Variants in ZFP42 observed in about 807,000 individuals in gnomAD.
The protein encoded by ZFP42 is zinc finger protein 42 homolog.
For synonymous variants in ZFP42, 175 were observed against 144.6 expected (o/e 1.21, Z -1.51); for missense variants, 438 against 377.1 (o/e 1.16, Z -1.34).
intron 2 of ZFP42, 80 bp from the exon 3 acceptor site, chr4:187,999,528 AG>A (rs1733729176): frequency 6.6e-6 from 1 of 152,198 alleles, no homozygotes; most frequent in African/African-American, 2.4e-5. Flanking sequence ...ATAAATTCCT[AG>A]TAAAGTAATT....
In ZFP42 at chr4:188,003,882, T is replaced by A; in HGVS notation, c.*142T>A. On this transcript the variant is annotated 3_prime_UTR_variant, in exon 4 of 4. Transcript: ENST00000326866. ...TAATTTGGTGTTACTAAGATGCTCC[T>A]ACACTTTGTGATACCGTTTTAAGGA... 1.2e-6 allele frequency: 1 copy of A among 811,560 alleles called. No homozygotes were observed. Among genetic ancestry groups the A allele is most frequent in the Non-Finnish European group, 1.9e-6 (1 of 522,722 alleles). 50.3% of individuals were successfully genotyped at this position (811,560 alleles called of 1,614,324 possible).
intron 3 of ZFP42, among the ~76,000 whole-genome samples, chr4:188,002,113 G>A (rs576434475): frequency 6.6e-6 from 1 of 152,146 alleles, no homozygotes; most frequent in African/African-American, 2.4e-5. Flanking sequence ...GGAGGTGGAG[G>A]TTGCAATGAG....
chr4:188,003,297 G>A lies in ZFP42; in HGVS notation c.490G>A (p.Asp164Asn). 1 of 1,614,096 alleles carries A rather than the reference G, an allele frequency of 6.2e-7. No homozygotes were observed. Among genetic ancestry groups the A allele is most frequent in the Non-Finnish European group, 8.5e-7 (1 of 1,180,024 alleles). ...PGGIPGIDLS[D>N]PKQLAEFARK... ...AGGAATACCTGGCATTGACCTATCA[G>A]ATCCTAAACAGCTCGCAGAATTTGC... is the stretch of plus-strand genomic sequence containing the variant. Residue 164 changes from aspartate to asparagine, a missense_variant, in exon 4 of 4, where the codon GAT becomes AAT. Coordinates refer to ENST00000326866, the MANE Select transcript of ZFP42 (RefSeq NM_174900.5).
At chr4:188,002,606 T>TA in intron 3 of ZFP42, 107 bp from the exon 4 acceptor site, 1 of 586,638 alleles carries the variant, frequency 1.7e-6, no homozygotes, top group Non-Finnish European at 3.1e-6. Context: ...TTGGTTAGTT[T>TA]ATCAGAGAAG....
chr4:187,998,995 TC>T (rs1393569889), intron 1 of ZFP42, 112 bp from the exon 2 acceptor site: 1 of 152,232 alleles, frequency 6.6e-6, no homozygotes, highest in Non-Finnish European at 1.5e-5. Context: ...TGCTCGGAGA[TC>T]TGACAAATAA....
At position 188,004,562 on chromosome 4, in the gene ZFP42, T is replaced by C; in HGVS notation, c.*822T>C. On this transcript the variant is annotated 3_prime_UTR_variant, in exon 4 of 4. Transcript: ENST00000326866. ...CTCAAACTCCTGACCTCCAGTGATC[T>C]GCCCACCTCGGCCTCCCAAAGTGCT... 7.7e-6 allele frequency: 1 copy of C among 129,106 alleles called. No homozygotes were observed. The allele number at this position is 129,106 out of a possible 1,614,324, so 8.0% of individuals were successfully genotyped here.
At chr4:188,000,011 T>A (rs1246572328) in intron 3 of ZFP42, among the ~76,000 whole-genome samples, 3 of 152,198 alleles carry the variant, frequency 2.0e-5, no homozygotes, top group African/African-American at 7.2e-5. Context: ...AGCAGTCAAT[T>A]AAATTGCAGT....
At chr4:187,997,303 G>C (rs555295532) in intron 1 of ZFP42, among the ~76,000 whole-genome samples, 8 of 134,118 alleles carry the variant, frequency 6.0e-5, no homozygotes, top group Admixed American at 5.1e-4. Context: ...GCACGATCTC[G>C]GCTCACTGCA....
rs770920562 is a variant in ZFP42 at position 188,003,179 on chromosome 4, A to T, written c.372A>T (p.Lys124Asn). The T allele has an allele frequency of 1.9e-6, 3 of 1,614,040 alleles. No homozygotes were observed. In the Admixed American group the frequency reaches 5.0e-5, roughly 27 times the overall value. Residue 124 changes from lysine to asparagine, a missense_variant, in exon 4 of 4, where the codon AAA becomes AAT. Lys to Asn is a moderately conservative substitution (Grantham distance 94, BLOSUM62 0). Transcript: ENST00000326866. Reference sequence around the variant, plus strand: ...TTGAATGTTCTTTGGAATACATGAAAAAAGGGGTAAAGAAAGAGCTTCCAC... The same window carrying T: ...TTGAATGTTCTTTGGAATACATGAATAAAGGGGTAAAGAAAGAGCTTCCAC... ...SSLECSLEYM[K>N]KGVKKELPQK...
At position 188,002,694 on chromosome 4, in the gene ZFP42, G is replaced by T. The variant is rs778757033; in HGVS notation, c.-95-19G>T. On this transcript the variant is annotated intron_variant, in intron 3 of 3. Transcript: ENST00000326866. ...AATACTGGAATCTATTTTAACTAAA[G>T]GTTATTATCATAAAGCAGGTGTTTG... is the stretch of plus-strand genomic sequence containing the variant. 2.4e-6 allele frequency: 2 copies of T among 849,680 alleles called. No individual in the cohort carries two copies. The highest frequency in any genetic ancestry group is 3.4e-5 in the South Asian group (2 of 59,534). 52.6% of individuals were successfully genotyped at this position (849,680 alleles called of 1,614,324 possible).
chr4:187,998,311 G>A (rs1733681733), intron 1 of ZFP42, among the ~76,000 whole-genome samples: 2 of 148,970 alleles, frequency 1.3e-5, no homozygotes, highest in African/African-American at 5.2e-5. Flanking sequence ...ACTCCAGCCT[G>A]GGCAACAAGA....
rs777472316 is a variant in ZFP42, at chr4:188,002,978, G to A, written c.171G>A (p.Glu57=). 3.1e-6 allele frequency: 5 copies of A among 1,614,148 alleles called. No homozygotes were observed. The highest frequency in any genetic ancestry group is 4.2e-6 in the Non-Finnish European group (5 of 1,180,026). Residue 57 remains glutamate (E), a synonymous_variant, in exon 4 of 4, where the codon GAG becomes GAA. Transcript: ENST00000326866. ...WALCDGYVCY[E]PGPQALGGDD... Reference sequence around the variant, plus strand: ...TATGTGATGGCTATGTGTGCTATGAGCCTGGCCCTCAGGCTCTCGGAGGGG... The same window carrying A: ...TATGTGATGGCTATGTGTGCTATGAACCTGGCCCTCAGGCTCTCGGAGGGG...
intron 1 of ZFP42, among the ~76,000 whole-genome samples, chr4:187,998,858 AG>A (rs1290137093): frequency 6.6e-6 from 1 of 152,200 alleles, no homozygotes; most frequent in Non-Finnish European, 1.5e-5. Flanking sequence ...ATGCATGACT[AG>A]TTATTTCTGC....
At position 188,002,752 on chromosome 4, in the gene ZFP42, G is replaced by A. The variant is rs947652913; in HGVS notation, c.-56G>A. ...CAGCTTACTCAGATCACTACTGCCT[G>A]GAGGTGGTTGATATATCCTGGTGTA... On this transcript the variant is annotated 5_prime_UTR_variant, in exon 4 of 4. Coordinates refer to ENST00000326866, the MANE Select transcript of ZFP42 (RefSeq NM_174900.5). The A allele has an allele frequency of 6.8e-7, 1 of 1,464,636 alleles. No homozygotes were observed. The highest frequency in any genetic ancestry group is 1.8e-5 in the Admixed American group (1 of 54,988). The allele number at this position is 1,464,636 out of a possible 1,614,324, so 90.7% of individuals were successfully genotyped here.
chr4:187,999,493 T>C (rs1733727928), intron 2 of ZFP42, 116 bp from the exon 3 acceptor site: 1 of 152,202 alleles, frequency 6.6e-6, no homozygotes, highest in Non-Finnish European at 1.5e-5. Context: ...TTGAAACTTC[T>C]ACATTAAATT....
intron 1 of ZFP42, among the ~76,000 whole-genome samples, chr4:187,996,874 C>T (rs964194556): frequency 2.4e-4 from 36 of 152,290 alleles, no homozygotes; most frequent in African/African-American, 7.9e-4. Flanking sequence ...GTTGGAAGCC[C>T]TGTAATGGTT....
chr4:188,003,338 C>G lies in ZFP42; in HGVS notation c.531C>G (p.Pro177=). ...QLAEFARKKP[P]INKEYDSLSA... is the part of the protein sequence containing the mutation. ...CAGAATTTGCTAGAAAGAAGCCCCC[C>G]ATAAATAAAGAATATGACAGTCTGA... The change falls in exon 4 of 4, where the codon CCC becomes CCG. Residue 177 remains proline (P), a synonymous_variant. Coordinates refer to ENST00000326866, the MANE Select transcript of ZFP42 (RefSeq NM_174900.5). 1 of 1,614,012 alleles carries G rather than the reference C, an allele frequency of 6.2e-7. No homozygotes were observed. Among genetic ancestry groups the G allele is most frequent in the Non-Finnish European group, 8.5e-7 (1 of 1,180,024 alleles).
chr4:188,003,685 A>G lies in ZFP42; in HGVS notation c.878A>G (p.Lys293Arg), dbSNP rs1471218939. Residue 293 changes from lysine to arginine, a missense_variant, in exon 4 of 4, where the codon AAA becomes AGA. By Grantham distance (26) the Lys-to-Arg change is conservative. Coordinates refer to ENST00000326866, the MANE Select transcript of ZFP42 (RefSeq NM_174900.5). ...AGGTTTATTCAGTCAAATAACCTGA[A>G]AGCCCACATCCTAACGCATGCAAAT... ...NRRFIQSNNL[K>R]AHILTHANTN... 6.2e-7 allele frequency: 1 copy of G among 1,613,928 alleles called. No individual in the cohort carries two copies. The highest frequency in any genetic ancestry group is 8.5e-7 in the Non-Finnish European group (1 of 1,180,046).
At chr4:187,997,670 G>A (rs757810494) in intron 1 of ZFP42, among the ~76,000 whole-genome samples, 2 of 151,992 alleles carry the variant, frequency 1.3e-5, no homozygotes, top group African/African-American at 2.4e-5. Context: ...CACCTAGAAC[G>A]AATACTAAAT....
Sources: allele counts gnomAD v4.1 joint callset (sites outside exome capture counted in the v4.1 genomes callset), GRCh38; gene constraint gnomAD v4.1.1; transcripts MANE v1.5; gene names NCBI Gene and HGNC (gene_info 2026-07-23, HGNC 2026-07-21).